The following DNAJA2 variants were observed in gnomAD, a reference collection of about 807,000 sequenced individuals.
DNAJA2 encodes the protein DnaJ heat shock protein family (Hsp40) member A2, also known as dnaJ homolog subfamily A member 2.
Under a neutral mutation model 49.3 loss-of-function variants are expected in DNAJA2, and 6 were observed. The observed-to-expected ratio is 0.12, with a 90% CI of 0.07 to 0.24. DNAJA2 has a LOEUF of 0.24. Among genes scored for constraint, DNAJA2 ranks in the 10% least tolerant of loss-of-function variants. DNAJA2 has a pLI of 1.00. For missense variants in DNAJA2, 347 were observed against 516.8 expected (o/e 0.67, Z 3.19); for synonymous variants, 160 against 172.7 (o/e 0.93, Z 0.58).
intron 1 of DNAJA2, among the ~76,000 whole-genome samples, chr16:46,973,214 C>G (rs1281649644): frequency 6.6e-6 from 1 of 152,128 alleles, no homozygotes; most frequent in African/African-American, 2.4e-5. Context: ...GGCGCTCGTT[C>G]AAGGAGGGAG....
At chr16:46,968,849 C>T (rs1320043833) in intron 3 of DNAJA2, among the ~76,000 whole-genome samples, 1 of 152,102 alleles carries the variant, frequency 6.6e-6, no homozygotes, top group Admixed American at 6.6e-5. Context: ...AGTTCAAGAC[C>T]AGCCTGAGCA....
rs1198090542 is a variant in DNAJA2 at position 46,964,759 on chromosome 16, T to C, written c.626A>G (p.Lys209Arg). The C allele has an allele frequency of 6.2e-7, 1 of 1,614,036 alleles. No individual in the cohort carries two copies. The highest frequency in any genetic ancestry group is 8.5e-7 in the Non-Finnish European group (1 of 1,179,990). Residue 209 changes from lysine (K) to arginine (R), a missense_variant, in exon 6 of 9, where the codon AAG (lysine) becomes AGG (arginine). Coordinates refer to ENST00000317089, the MANE Select transcript of DNAJA2 (RefSeq NM_005880.4). The part of the protein sequence containing the change: ...KDRCKKCEGK[K>R]VIKEVKILEV... ...AAGAATCTTGACTTCTTTAATCACC[T>C]TCTTCCCTTCACATTTTTTACAGCG...
chr16:46,973,577 G>T lies in DNAJA2; in HGVS notation c.-5C>A. On this transcript the variant is annotated 5_prime_UTR_variant, in exon 1 of 9. Coordinates refer to ENST00000317089, the MANE Select transcript of DNAJA2 (RefSeq NM_005880.4). ...CGTGTCAGCCACGTTAGCCATGGCGGCCGGCCGGGCAGTGCTCGGGGAGAA... is the reference window on the plus strand; with the variant it reads ...CGTGTCAGCCACGTTAGCCATGGCGTCCGGCCGGGCAGTGCTCGGGGAGAA... The T allele has an allele frequency of 6.3e-7, 1 of 1,592,366 alleles. No individual in the cohort carries two copies.
At position 46,957,161 on chromosome 16, in the gene DNAJA2, C is replaced by T; in HGVS notation, c.1107G>A (p.Glu369=). 2 of 1,614,092 alleles carry T rather than the reference C, an allele frequency of 1.2e-6. No homozygotes were observed. Among genetic ancestry groups the T allele is most frequent in the Non-Finnish European group, 1.7e-6 (2 of 1,179,984 alleles). The part of the protein sequence containing the change: ...PEVPNIIGET[E]EVELQEFDST... ...TATCAAATTCCTGAAGCTCTACCTC[C>T]TCTGTTTCTCCAATTATGTTAGGAA... The change falls in exon 9 of 9, where the codon GAG becomes GAA. Residue 369 remains glutamate, a synonymous_variant. Coordinates refer to ENST00000317089, the MANE Select transcript of DNAJA2 (RefSeq NM_005880.4).
chr16:46,959,528 G>A (rs1961865031), intron 6 of DNAJA2, 109 bp from the exon 7 acceptor site: 6 of 1,064,904 alleles, frequency 5.6e-6, no homozygotes, highest in Non-Finnish European at 8.1e-6. Context: ...ACCACTCACT[G>A]CAAATCCAAA....
chr16:46,962,214 A>G (rs79711283), intron 6 of DNAJA2, among the ~76,000 whole-genome samples: 6,851 of 152,256 alleles, frequency 0.045, 229 homozygotes, highest in Non-Finnish European at 0.073. Context: ...TAATATCCAA[A>G]AAGTCCAGGG....
rs1961827428 is a variant in DNAJA2 at position 46,957,218 on chromosome 16, T to C, written c.1050A>G (p.Glu350=). 1.3e-6 allele frequency: 2 copies of C among 1,584,388 alleles called. No homozygotes were observed. Among genetic ancestry groups the C allele is most frequent in the Non-Finnish European group, 1.7e-6 (2 of 1,168,538 alleles). ...GTCTAGATGGCAGAAGATCTTCTAG[T>C]TCCTTTATTAAAACAAACAAAAACC... ...NNWINPDKLS[E]LEDLLPSRPE... is the part of the protein sequence containing the mutation. Residue 350 remains glutamate (E), a splice_region_variant and synonymous_variant, in exon 9 of 9, where the codon GAA becomes GAG. Coordinates refer to ENST00000317089, the MANE Select transcript of DNAJA2 (RefSeq NM_005880.4).
intron 6 of DNAJA2, among the ~76,000 whole-genome samples, chr16:46,960,124 T>G (rs1961873844): frequency 6.6e-6 from 1 of 152,240 alleles, no homozygotes; most frequent in South Asian, 2.1e-4. Flanking sequence ...TAAAGAACAA[T>G]CCTGGCCGGT....
intron 6 of DNAJA2, among the ~76,000 whole-genome samples, chr16:46,961,747 T>TA (rs1596655221): frequency 6.6e-6 from 1 of 151,986 alleles, no homozygotes; most frequent in Non-Finnish European, 1.5e-5. Context: ...TTAAACAGAA[T>TA]AAACAAGCAA....
At chr16:46,961,198 G>A (rs1961891060) in intron 6 of DNAJA2, among the ~76,000 whole-genome samples, 4 of 151,826 alleles carry the variant, frequency 2.6e-5, no homozygotes, top group Admixed American at 2.0e-4. Context: ...TGGTCATCAT[G>A]GCGAAATTCT....
chr16:46,964,894 T>A, intron 5 of DNAJA2, 87 bp from the exon 6 acceptor site: 1 of 1,135,560 alleles, frequency 8.8e-7, no homozygotes. Flanking sequence ...TTTCTGGACT[T>A]CTTTTAATCA....
Position 46,971,563 on chromosome 16 carries a change from T to C in DNAJA2, c.148A>G (p.Ile50Val), listed in dbSNP as rs1274515946. 3 of 1,573,180 alleles carry C rather than the reference T, an allele frequency of 1.9e-6. No individual in the cohort carries two copies. The highest frequency in any genetic ancestry group is 2.8e-5 in the African/African-American group (2 of 72,630). Residue 50 changes from isoleucine (I) to valine (V), a missense_variant, in exon 3 of 9, where the codon ATA (isoleucine) becomes GTA (valine). Physicochemically the swap from Ile to Val is conservative, Grantham distance 29. Coordinates refer to ENST00000317089, the MANE Select transcript of DNAJA2 (RefSeq NM_005880.4). ...NPNAGDKFKE[I>V]SFAYEVLSNP... is the part of the protein sequence containing the mutation. ...GATAGTACTTCATATGCAAAACTTA[T>C]TTCTTTAAACTATAAAGAAAAGGTA...
At chr16:46,966,583 G>A (rs968760846) in intron 5 of DNAJA2, among the ~76,000 whole-genome samples, 2 of 152,170 alleles carry the variant, frequency 1.3e-5, no homozygotes, top group Non-Finnish European at 2.9e-5. Context: ...GGGGTGGGAG[G>A]AGCTATGTGT....
At position 46,968,086 on chromosome 16, in the gene DNAJA2, A is replaced by G. The variant is rs1374137095; in HGVS notation, c.441T>C (p.Ser147=). ...LSKNVLCSAC[S]GQGGKSGAVQ... ...AATAAACCAGAAGACACACTTACCC[A>G]CTGCATGCACTACAGAGCACATTCT... The change falls in exon 4 of 9, where the codon AGT becomes AGC. Residue 147 remains serine, a splice_region_variant and synonymous_variant. Transcript: ENST00000317089. 1.9e-6 allele frequency: 3 copies of G among 1,601,438 alleles called. No individual in the cohort carries two copies. The highest frequency in any genetic ancestry group is 2.6e-6 in the Non-Finnish European group (3 of 1,175,826).
intron 1 of DNAJA2, 135 bp downstream of exon 1, chr16:46,973,360 G>T: frequency 4.1e-6 from 3 of 730,272 alleles, no homozygotes; most frequent in Non-Finnish European, 5.4e-6. Context: ...CGCCGCCGCC[G>T]CCGACTCCCA....
At chr16:46,970,484 TG>T (rs1466146939) in intron 3 of DNAJA2, among the ~76,000 whole-genome samples, 1 of 152,218 alleles carries the variant, frequency 6.6e-6, no homozygotes, top group Admixed American at 6.5e-5. Context: ...GGCTTATGCC[TG>T]TAATCCCAGC....
intron 5 of DNAJA2, among the ~76,000 whole-genome samples, chr16:46,967,172 G>A (rs1336199622): frequency 6.6e-6 from 1 of 151,976 alleles, no homozygotes; most frequent in Admixed American, 6.6e-5. Context: ...CTGCTCCCTC[G>A]AACTCCTGGG....
chr16:46,958,233 G>A (rs1214773505), intron 8 of DNAJA2, among the ~76,000 whole-genome samples: 1 of 151,966 alleles, frequency 6.6e-6, no homozygotes, highest in East Asian at 1.9e-4. Flanking sequence ...GCCAGCCTGG[G>A]CAACAGAGCG....
chr16:46,965,842 A>AAAAAAAG (rs989348137), intron 5 of DNAJA2, among the ~76,000 whole-genome samples: 2 of 151,956 alleles, frequency 1.3e-5, no homozygotes, highest in Non-Finnish European at 2.9e-5. Flanking sequence ...CAAAAAAAAA[A>AAAAAAAG]AAAAAAGAAA....
Sources: allele counts gnomAD v4.1 joint callset (sites outside exome capture counted in the v4.1 genomes callset), GRCh38; gene constraint gnomAD v4.1.1; transcripts MANE v1.5; gene names NCBI Gene and HGNC (gene_info 2026-07-23, HGNC 2026-07-21).